The following RUNX2 variants were observed in gnomAD, a reference collection of about 807,000 sequenced individuals.
RUNX2 encodes RUNX family transcription factor 2.
RUNX2 carries 10 observed loss-of-function variants against 51.7 expected under a neutral mutation model. The observed-to-expected ratio is 0.19, with a 90% CI of 0.12 to 0.33. The LOEUF (loss-of-function observed/expected upper bound fraction) is 0.33, where lower values mean the gene tolerates loss of function less well. Among genes scored for constraint, RUNX2 ranks in the 10% least tolerant of loss-of-function variants. The pLI is 1.00. For missense variants in RUNX2, 562 were observed against 691.3 expected, an observed-to-expected ratio of 0.81 and a Z score of 2.10; for synonymous variants, 276 against 273.6, an observed-to-expected ratio of 1.01 and a Z score of -0.09.
chr6:45,483,518 C>A (rs1259532503), intron 5 of RUNX2, among the ~76,000 whole-genome samples: 1 of 152,168 alleles, frequency 6.6e-6, no homozygotes, highest in Non-Finnish European at 1.5e-5. Context: ...CCTTAAGGGG[C>A]TCTCAGTCAA....
intron 2 of RUNX2, among the ~76,000 whole-genome samples, chr6:45,411,453 C>T (rs1797949389): frequency 6.6e-6 from 1 of 152,076 alleles, no homozygotes; most frequent in Non-Finnish European, 1.5e-5. Flanking sequence ...TGCCATATCT[C>T]TGCCTAGAGG....
intron 2 of RUNX2, among the ~76,000 whole-genome samples, chr6:45,382,637 A>C (rs573915864): frequency 6.6e-6 from 1 of 152,226 alleles, no homozygotes; most frequent in Non-Finnish European, 1.5e-5. Context: ...AGAGTAACCC[A>C]GAAAGAAAAT....
intron 7 of RUNX2, among the ~76,000 whole-genome samples, chr6:45,527,400 CAG>C (rs1801703405): frequency 1.3e-5 from 2 of 152,076 alleles, no homozygotes; most frequent in African/African-American, 4.8e-5. Flanking sequence ...AGAATTGTAA[CAG>C]GGGTAGGGAG....
In RUNX2 at chr6:45,414,754, C is replaced by CTTTTTTTTTTTTTTT. The variant is rs34672680; in HGVS notation, c.59-7823_59-7809dup. Among the ~76,000 whole-genome samples, 5 of 33,448 alleles carry CTTTTTTTTTTTTTTT rather than the reference C, an allele frequency of 1.5e-4. 1 individual carries two copies. Among genetic ancestry groups the CTTTTTTTTTTTTTTT allele is most frequent in the Admixed American group, 6.3e-4 (1 of 1,584 alleles). The allele number at this position is 33,448 out of a possible 152,430, so 21.9% of individuals were successfully genotyped here. A position where few individuals can be genotyped will look rare whatever the true frequency, so the allele number is the denominator to read the frequency against. ...ATCTCTCCACCTTCCCAGATCCTGG[C>CTTTTTTTTTTTTTTT]TTTTTTTTTTTTTTTTTTTTTTTTT... On this transcript the variant is annotated intron_variant, in intron 2 of 8. Coordinates refer to ENST00000647337, the MANE Select transcript of RUNX2 (RefSeq NM_001024630.4).
chr6:45,493,831 C>T (rs1352352381), intron 6 of RUNX2, among the ~76,000 whole-genome samples: 1 of 151,560 alleles, frequency 6.6e-6, no homozygotes, highest in Non-Finnish European at 1.5e-5. Context: ...TTTATGATGA[C>T]TAATAAAATA....
intron 2 of RUNX2, among the ~76,000 whole-genome samples, chr6:45,348,121 T>C (rs767314958): frequency 1.8e-4 from 28 of 152,116 alleles, no homozygotes; most frequent in Admixed American, 7.9e-4. Context: ...AGCACCTTTC[T>C]CATTTCCATA....
In RUNX2 at chr6:45,550,041, G is replaced by A. The variant is rs965114547; in HGVS notation, c.*2736G>A. ...TTCACTGAACCCTTAATTTGCACTG[G>A]GTCATGTGTTTGATTTGTGATTTCA... On this transcript the variant is annotated 3_prime_UTR_variant, in exon 9 of 9. Transcript: ENST00000647337. 2.7e-5 allele frequency: 4 copies of A among 150,482 alleles called. No homozygotes were observed. Among genetic ancestry groups the A allele is most frequent in the African/African-American group, 9.8e-5 (4 of 40,676 alleles). The allele number at this position is 150,482 out of a possible 1,614,324, so 9.3% of individuals were successfully genotyped here.
chr6:45,384,432 G>T (rs1358091609), intron 2 of RUNX2, among the ~76,000 whole-genome samples: 1 of 151,838 alleles, frequency 6.6e-6, no homozygotes, highest in South Asian at 2.1e-4. Context: ...CTACGGGCAT[G>T]CACCACCACG....
At chr6:45,543,426 C>G (rs981053499) in intron 7 of RUNX2, among the ~76,000 whole-genome samples, 2 of 152,072 alleles carry the variant, frequency 1.3e-5, no homozygotes, top group Non-Finnish European at 2.9e-5. Context: ...TAAAAAGGTC[C>G]CCAAACCACC....
rs1487590076 is a variant in RUNX2, at chr6:45,547,014, C to A, written c.1275C>A (p.Pro425=). 13 of 1,614,112 alleles carry A rather than the reference C, an allele frequency of 8.1e-6. No homozygotes were observed. Among genetic ancestry groups the A allele is most frequent in the Non-Finnish European group, 1.1e-5 (13 of 1,180,028 alleles). ...ACTACCACACCTACCTGCCACCACC[C>A]TACCCCGGCTCTTCCCAAAGCCAGA... ...TTHYHTYLPP[P]YPGSSQSQSG... Residue 425 remains proline (P), a synonymous_variant, in exon 9 of 9, where the codon CCC becomes CCA. Coordinates refer to ENST00000647337, the MANE Select transcript of RUNX2 (RefSeq NM_001024630.4).
chr6:45,340,870 T>G (rs1445126887), intron 2 of RUNX2, among the ~76,000 whole-genome samples: 1 of 152,122 alleles, frequency 6.6e-6, no homozygotes, highest in African/African-American at 2.4e-5. Context: ...TGGAATCAAA[T>G]CCTACTTCCT....
In RUNX2 at chr6:45,375,097, C is replaced by T. The variant is rs201093685; in HGVS notation, c.58+46313C>T. Reference sequence around the variant, plus strand: ...TGGCATGTGCCTGTAATCCCAGCTACTCGGGAGGCTGAGGCAGGAGAATCG... The same window carrying T: ...TGGCATGTGCCTGTAATCCCAGCTATTCGGGAGGCTGAGGCAGGAGAATCG... On this transcript the variant is annotated intron_variant, in intron 2 of 8. Coordinates refer to ENST00000647337, the MANE Select transcript of RUNX2 (RefSeq NM_001024630.4). 9.9e-5 allele frequency among the ~76,000 whole-genome samples: 15 copies of T among 152,238 alleles called. No homozygotes were observed. The East Asian group carries it at 2.7e-3, about 27-fold the overall frequency.
rs1226976459 is a variant in RUNX2, at chr6:45,380,753, T to G, written c.59-41840T>G. 9.2e-5 allele frequency among the ~76,000 whole-genome samples: 14 copies of G among 152,270 alleles called. No individual in the cohort carries two copies. In the East Asian group the frequency reaches 2.7e-3, roughly 29 times the overall value. On this transcript the variant is annotated intron_variant, in intron 2 of 8. Transcript: ENST00000647337. ...CACCACGCCCGGGTAATTTTTGTAT[T>G]TTTAATAGAGACGGGGTTTCACCAT...
intron 7 of RUNX2, among the ~76,000 whole-genome samples, chr6:45,514,375 G>A (rs1323275446): frequency 6.6e-6 from 1 of 152,172 alleles, no homozygotes; most frequent in African/African-American, 2.4e-5. Flanking sequence ...TTCACAGGTA[G>A]GGAGGCAGGA....
chr6:45,471,447 C>CT (rs779430509), intron 5 of RUNX2, among the ~76,000 whole-genome samples: 3,699 of 139,202 alleles, frequency 0.027, 63 homozygotes, highest in Middle Eastern at 0.037. Flanking sequence ...TTCTTTCTTT[C>CT]TTTTTTTTTT....
intron 6 of RUNX2, among the ~76,000 whole-genome samples, chr6:45,501,863 G>A (rs560977180): frequency 1.3e-5 from 2 of 152,144 alleles, no homozygotes; most frequent in African/African-American, 2.4e-5. Flanking sequence ...ACCAACAGTG[G>A]CTCCAAAACA....
Position 45,549,353 on chromosome 6 carries a change from C to T in RUNX2, c.*2048C>T, listed in dbSNP as rs1361028315. ...TAGGCCACCCAGCATTGCAGGACAG[C>T]GTGTGGGGCAGCTGGACCTGTGCTT... On this transcript the variant is annotated 3_prime_UTR_variant, in exon 9 of 9. Transcript: ENST00000647337. 1.0e-5 allele frequency: 4 copies of T among 398,464 alleles called. No individual in the cohort carries two copies. Among genetic ancestry groups the T allele is most frequent in the South Asian group, 1.3e-4 (1 of 7,856 alleles). The allele number at this position is 398,464 out of a possible 1,614,324, so 24.7% of individuals were successfully genotyped here. A position where few individuals can be genotyped will look rare whatever the true frequency, so the allele number is the denominator to read the frequency against.
At chr6:45,345,971 T>C (rs1219171160) in intron 2 of RUNX2, among the ~76,000 whole-genome samples, 1 of 152,182 alleles carries the variant, frequency 6.6e-6, no homozygotes, top group East Asian at 1.9e-4. Context: ...ACTTGCAATA[T>C]TCCCTACCTA....
intron 2 of RUNX2, among the ~76,000 whole-genome samples, chr6:45,407,822 A>AT (rs532706667): frequency 2.2e-3 from 324 of 148,826 alleles, no homozygotes; most frequent in Middle Eastern, 7.0e-3. Flanking sequence ...TTAATGGTGT[A>AT]TTTTTTTTTT....
Sources: allele counts gnomAD v4.1 joint callset (sites outside exome capture counted in the v4.1 genomes callset), GRCh38; gene constraint gnomAD v4.1.1; transcripts MANE v1.5; gene names NCBI Gene and HGNC (gene_info 2026-07-23, HGNC 2026-07-21).